Variants in ERC2 observed in about 807,000 individuals in gnomAD.
ERC2 encodes ELKS/RAB6-interacting/CAST family member 2.
In ERC2, 42 loss-of-function variants were observed where a neutral mutation model predicts 114.8. The ratio of observed to expected loss-of-function variants is 0.37; its 90% confidence interval spans 0.29 to 0.47. The LOEUF (loss-of-function observed/expected upper bound fraction) is 0.47, where lower values mean the gene tolerates loss of function less well. Among genes scored for constraint, ERC2 ranks in the 20% least tolerant of loss-of-function variants. The pLI is 0.99. For missense variants in ERC2, 939 were observed against 1,150.7 expected, an observed-to-expected ratio of 0.82 and a Z score of 2.66; for synonymous variants, 454 against 425.5, an observed-to-expected ratio of 1.07 and a Z score of -0.82.
At chr3:56,399,369 T>C (rs542281506) in intron 2 of ERC2, among the ~76,000 whole-genome samples, 1 of 152,324 alleles carries the variant, frequency 6.6e-6, no homozygotes, top group Non-Finnish European at 1.5e-5. Flanking sequence ...GCATGGACTA[T>C]AGATATGCTA....
At chr3:56,451,704 A>C (rs985321662) in intron 1 of ERC2, among the ~76,000 whole-genome samples, 2 of 152,232 alleles carry the variant, frequency 1.3e-5, no homozygotes, top group African/African-American at 4.8e-5. Flanking sequence ...ATCTAACATA[A>C]AAATAAATAA....
chr3:55,630,706 T>C (rs979261594), intron 17 of ERC2, among the ~76,000 whole-genome samples: 1 of 152,214 alleles, frequency 6.6e-6, no homozygotes, highest in Non-Finnish European at 1.5e-5. Flanking sequence ...CACCGTCAAC[T>C]TGGATAGGCC....
intron 10 of ERC2, among the ~76,000 whole-genome samples, chr3:55,993,449 A>C (rs1049988537): frequency 6.6e-6 from 1 of 152,198 alleles, no homozygotes; most frequent in Non-Finnish European, 1.5e-5. Flanking sequence ...TGGTTAGAAA[A>C]ATTAATACTA....
chr3:56,095,495 T>A (rs1412165493), intron 6 of ERC2, among the ~76,000 whole-genome samples: 1 of 152,128 alleles, frequency 6.6e-6, no homozygotes, highest in Non-Finnish European at 1.5e-5. Flanking sequence ...TGTTTCCAAT[T>A]GGGAAAAAAG....
intron 17 of ERC2, among the ~76,000 whole-genome samples, chr3:55,623,533 A>C (rs1346232587): frequency 6.6e-6 from 1 of 152,138 alleles, no homozygotes; most frequent in African/African-American, 2.4e-5. Context: ...TTTTTCCACC[A>C]GTTTTAATCA....
chr3:55,853,383 A>G (rs150083447), intron 14 of ERC2, among the ~76,000 whole-genome samples: 48 of 152,208 alleles, frequency 3.2e-4, no homozygotes, highest in Non-Finnish European at 5.9e-4. Flanking sequence ...AAAATTAACC[A>G]GGCATAGTGG....
At chr3:55,601,221 T>C (rs768342712) in intron 17 of ERC2, among the ~76,000 whole-genome samples, 6 of 152,230 alleles carry the variant, frequency 3.9e-5, no homozygotes, top group Admixed American at 6.5e-5. Flanking sequence ...GCCAGAATCG[T>C]ATATTATATT....
intron 17 of ERC2, among the ~76,000 whole-genome samples, chr3:55,683,357 C>G (rs2148776312): frequency 6.6e-6 from 1 of 152,248 alleles, no homozygotes; most frequent in South Asian, 2.1e-4. Context: ...TTCCTTATTC[C>G]TTGCCAAACA....
intron 3 of ERC2, among the ~76,000 whole-genome samples, chr3:56,276,899 C>CCACAT (rs2054039108): frequency 6.6e-6 from 1 of 152,128 alleles, no homozygotes; most frequent in South Asian, 2.1e-4. Flanking sequence ...TTTTGGGGGG[C>CCACAT]CACATTCAAA....
At chr3:56,152,311 A>G (rs1238596533) in intron 4 of ERC2, among the ~76,000 whole-genome samples, 1 of 152,284 alleles carries the variant, frequency 6.6e-6, no homozygotes, top group East Asian at 1.9e-4. Flanking sequence ...TTAGGCTTGT[A>G]ATGATCACAT....
chr3:55,694,951 T>G (rs2062852425), intron 16 of ERC2, among the ~76,000 whole-genome samples: 1 of 152,174 alleles, frequency 6.6e-6, no homozygotes, highest in Non-Finnish European at 1.5e-5. Context: ...GGTTAGTCTA[T>G]ACCTGGGAGC....
At chr3:56,410,480 T>C (rs1235226567) in intron 2 of ERC2, among the ~76,000 whole-genome samples, 2 of 152,248 alleles carry the variant, frequency 1.3e-5, no homozygotes, top group Admixed American at 6.5e-5. Context: ...ACTCTGCTTA[T>C]AGTATGTCAT....
intron 8 of ERC2, among the ~76,000 whole-genome samples, chr3:56,012,022 A>C (rs771990515): frequency 1.3e-5 from 2 of 152,226 alleles, no homozygotes; most frequent in Non-Finnish European, 2.9e-5. Context: ...ATATATTATT[A>C]TAAGAGAGGA....
chr3:56,218,740 A>T (rs2150142997), intron 3 of ERC2, among the ~76,000 whole-genome samples: 1 of 152,328 alleles, frequency 6.6e-6, no homozygotes, highest in Non-Finnish European at 1.5e-5. Context: ...GAACCAACCC[A>T]AATGTCCAAC....
At chr3:55,683,627 G>T (rs545970371) in intron 17 of ERC2, among the ~76,000 whole-genome samples, 167 bp downstream of exon 17, 1 of 152,096 alleles carries the variant, frequency 6.6e-6, no homozygotes, top group South Asian at 2.1e-4. Context: ...TAGGATGGAG[G>T]GGGCTCTTGG....
intron 3 of ERC2, among the ~76,000 whole-genome samples, chr3:56,281,987 C>T (rs2054378914): frequency 6.6e-6 from 1 of 152,136 alleles, no homozygotes; most frequent in Non-Finnish European, 1.5e-5. Flanking sequence ...CCGAGGGCAA[C>T]TCTTGCTTAT....
intron 17 of ERC2, among the ~76,000 whole-genome samples, chr3:55,624,190 A>C (rs1480748018): frequency 2.6e-5 from 4 of 152,250 alleles, no homozygotes; most frequent in African/African-American, 9.6e-5. Context: ...GCAAGCAATA[A>C]GCACAGAGAT....
At chr3:56,110,804 T>C (rs963058916) in intron 6 of ERC2, among the ~76,000 whole-genome samples, 4 of 152,186 alleles carry the variant, frequency 2.6e-5, no homozygotes, top group Non-Finnish European at 5.9e-5. Flanking sequence ...TGATTCTACA[T>C]ATCTAAATGG....
intron 13 of ERC2, among the ~76,000 whole-genome samples, chr3:55,943,497 A>T (rs1480669139): frequency 6.7e-6 from 1 of 149,996 alleles, no homozygotes; most frequent in Non-Finnish European, 1.5e-5. Context: ...GCTTGGTCTA[A>T]TCTTCACAGG....
Sources: gnomAD v4.1 joint callset for allele counts (sites outside exome capture counted in the v4.1 genomes callset) on GRCh38, gnomAD v4.1.1 for gene constraint, MANE v1.5 for transcripts, NCBI Gene and HGNC (gene_info 2026-07-23, HGNC 2026-07-21) for gene names.